COL25A1: variants seen among roughly 807,000 people sequenced by gnomAD.
The protein encoded by COL25A1 is collagen alpha-1(XXV) chain.
Under a neutral mutation model 128.4 loss-of-function variants are expected in COL25A1, and 103 were observed. The ratio of observed to expected loss-of-function variants is 0.80; its 90% CI spans 0.68 to 0.94. COL25A1 has a LOEUF of 0.94. COL25A1 is among the 40% of genes least tolerant of loss of function. The pLI is 0.00. For missense variants in COL25A1, 745 were observed against 840.0 expected, an observed-to-expected ratio of 0.89 and a Z score of 1.40; for synonymous variants, 279 against 277.2, an observed-to-expected ratio of 1.01 and a Z score of -0.06.
At chr4:108,920,659 T>G in intron 11 of COL25A1, 55 bp from the exon 12 acceptor site, 1 of 1,393,510 alleles carries the variant, frequency 7.2e-7, no homozygotes, top group Non-Finnish European at 1.0e-6. Flanking sequence ...TAAGCTTAGA[T>G]GACCAATTTA....
chr4:108,988,242 A>G (rs1204935588), intron 6 of COL25A1, among the ~76,000 whole-genome samples: 3 of 152,232 alleles, frequency 2.0e-5, no homozygotes, highest in African/African-American at 4.8e-5. Flanking sequence ...TCAAATGTGT[A>G]GCTTTGTGCC....
intron 3 of COL25A1, among the ~76,000 whole-genome samples, chr4:109,250,694 T>C (rs576105535): frequency 1.3e-4 from 20 of 152,326 alleles, no homozygotes; most frequent in African/African-American, 4.6e-4. Flanking sequence ...TTTTCCCATA[T>C]TGGGGTGGGC....
intron 3 of COL25A1, among the ~76,000 whole-genome samples, chr4:109,183,438 T>C (rs1454402052): frequency 6.6e-6 from 1 of 152,186 alleles, no homozygotes; most frequent in African/African-American, 2.4e-5. Flanking sequence ...TTGTGATTCA[T>C]GAGAAAAATG....
intron 3 of COL25A1, among the ~76,000 whole-genome samples, chr4:109,101,847 C>G (rs1765924774): frequency 6.6e-6 from 1 of 152,206 alleles, no homozygotes; most frequent in African/African-American, 2.4e-5. Context: ...CCTGAACTTA[C>G]TGAGCTACAG....
At chr4:109,056,204 A>C (rs1239442813) in intron 3 of COL25A1, among the ~76,000 whole-genome samples, 1 of 152,120 alleles carries the variant, frequency 6.6e-6, no homozygotes, top group East Asian at 1.9e-4. Context: ...AGATATACTA[A>C]CAAATGTGTG....
At chr4:109,084,226 A>G (rs1352623590) in intron 3 of COL25A1, among the ~76,000 whole-genome samples, 1 of 152,100 alleles carries the variant, frequency 6.6e-6, no homozygotes, top group Non-Finnish European at 1.5e-5. Flanking sequence ...GGCAAAGGAC[A>G]CATATTGCCT....
intron 5 of COL25A1, among the ~76,000 whole-genome samples, chr4:109,024,794 G>A (rs1213209615): frequency 6.6e-6 from 1 of 151,646 alleles, no homozygotes; most frequent in African/African-American, 2.4e-5. Context: ...TCCAATTCAG[G>A]GTGTTTTTAA....
intron 5 of COL25A1, among the ~76,000 whole-genome samples, chr4:109,013,657 A>G (rs1209316078): frequency 6.6e-6 from 1 of 151,776 alleles, no homozygotes. Context: ...CTCTGAACGG[A>G]AGGAATGAAC....
At chr4:108,916,999 GAA>G (rs1744953504) in intron 13 of COL25A1, among the ~76,000 whole-genome samples, 2 of 152,260 alleles carry the variant, frequency 1.3e-5, no homozygotes, top group South Asian at 4.1e-4. Context: ...TGAAGTGAAG[GAA>G]AAGTTTAATG....
intron 3 of COL25A1, among the ~76,000 whole-genome samples, chr4:109,278,118 G>C (rs560312369): frequency 1.3e-5 from 2 of 151,772 alleles, no homozygotes; most frequent in East Asian, 3.9e-4. Flanking sequence ...CTGGGCAACA[G>C]AGCGAGACTC....
intron 3 of COL25A1, among the ~76,000 whole-genome samples, chr4:109,297,862 C>CTTTTTT (rs35099153): frequency 0.045 from 2,861 of 63,792 alleles, 29 homozygotes; most frequent in Non-Finnish European, 0.062. Context: ...TTTTCCTTTT[C>CTTTTTT]TTTTTTTTTT....
At chr4:109,072,909 A>AT (rs1212100264) in intron 3 of COL25A1, among the ~76,000 whole-genome samples, 1 of 152,126 alleles carries the variant, frequency 6.6e-6, no homozygotes, top group African/African-American at 2.4e-5. Flanking sequence ...AACCTCCAAC[A>AT]TGAGTTGCCC....
At chr4:109,020,518 G>A (rs1226223602) in intron 5 of COL25A1, among the ~76,000 whole-genome samples, 7 of 80,390 alleles carry the variant, frequency 8.7e-5, no homozygotes, top group Admixed American at 7.7e-4. Flanking sequence ...GGGGGGGGGG[G>A]GTTCAACATA....
intron 19 of COL25A1, among the ~76,000 whole-genome samples, chr4:108,873,337 A>G (rs1041078713): frequency 6.6e-6 from 1 of 152,196 alleles, no homozygotes; most frequent in Non-Finnish European, 1.5e-5. Flanking sequence ...ATTTTATTAA[A>G]GGCTGACTTT....
chr4:109,251,672 C>A (rs183518629), intron 3 of COL25A1, among the ~76,000 whole-genome samples: 18 of 152,292 alleles, frequency 1.2e-4, no homozygotes, highest in Admixed American at 9.8e-4. Context: ...CCGATAGAAG[C>A]ATTCTTCCTT....
At chr4:108,841,205 G>A (rs758913716) in intron 31 of COL25A1, among the ~76,000 whole-genome samples, 3 of 152,144 alleles carry the variant, frequency 2.0e-5, no homozygotes, top group Non-Finnish European at 4.4e-5. Flanking sequence ...CTTCTTCCCA[G>A]TATAGCACAC....
intron 3 of COL25A1, among the ~76,000 whole-genome samples, chr4:109,270,249 GTAT>G (rs1377842360): frequency 1.3e-5 from 2 of 152,168 alleles, no homozygotes; most frequent in Non-Finnish European, 2.9e-5. Flanking sequence ...GAAATAAAGG[GTAT>G]TCAATTAGGA....
At chr4:109,040,097 A>T (rs1759742075) in intron 5 of COL25A1, among the ~76,000 whole-genome samples, 2 of 152,216 alleles carry the variant, frequency 1.3e-5, no homozygotes, top group Admixed American at 6.5e-5. Context: ...ATTTTTTAAA[A>T]CATAAGAACA....
chr4:109,286,337 G>A (rs1281872349), intron 3 of COL25A1, among the ~76,000 whole-genome samples: 1 of 152,002 alleles, frequency 6.6e-6, no homozygotes, highest in Non-Finnish European at 1.5e-5. Context: ...TGAGCATAAG[G>A]CAACAGAAGC....
Sources: allele counts gnomAD v4.1 joint callset (sites outside exome capture counted in the v4.1 genomes callset), GRCh38; gene constraint gnomAD v4.1.1; transcripts MANE v1.5; gene names NCBI Gene and HGNC (gene_info 2026-07-23, HGNC 2026-07-21).